Variants in CHD6 observed in about 807,000 individuals in gnomAD.
The protein encoded by CHD6 is ATP-dependent chromatin remodeler CHD6.
In CHD6, 50 loss-of-function variants were observed where a neutral mutation model predicts 276.9. The ratio of observed to expected loss-of-function variants is 0.18; its 90% CI spans 0.14 to 0.23. The LOEUF (loss-of-function observed/expected upper bound fraction) is 0.23, where lower values mean the gene tolerates loss of function less well. Ranked by LOEUF, CHD6 falls within the 10% of genes least tolerant of loss-of-function variation. CHD6 has a pLI of 1.00. For synonymous variants in CHD6, 1,173 were observed against 1,229.3 expected, an observed-to-expected ratio of 0.95 and a Z score of 0.96; for missense variants, 2,564 against 3,365.8, an observed-to-expected ratio of 0.76 and a Z score of 5.89.
At chr20:41,597,351 G>A (rs898035623) in intron 1 of CHD6, among the ~76,000 whole-genome samples, 12 of 152,080 alleles carry the variant, frequency 7.9e-5, no homozygotes, top group African/African-American at 2.7e-4. Flanking sequence ...ATTCCACTAC[G>A]GACCTCCCGA....
intron 1 of CHD6, among the ~76,000 whole-genome samples, chr20:41,590,379 T>A (rs2045644027): frequency 6.6e-6 from 1 of 152,196 alleles, no homozygotes; most frequent in East Asian, 1.9e-4. Context: ...GTAATTAAAC[T>A]AAAGAGCTTC....
chr20:41,423,040 T>G (rs1319411366), intron 30 of CHD6, among the ~76,000 whole-genome samples: 1 of 152,190 alleles, frequency 6.6e-6, no homozygotes, highest in Non-Finnish European at 1.5e-5. Context: ...TTCAAAAGGG[T>G]TCTCTATTGC....
rs58696183 is a variant in CHD6, at chr20:41,419,554, C to CAA, written c.6127+952_6127+953dup. Reference sequence around the variant, plus strand: ...TGGGTGACAGAGCAAGACTCTGTCTCAAAAAAAAAAAAAAAAAAAAAAAAA... The same window carrying CAA: ...TGGGTGACAGAGCAAGACTCTGTCTCAAAAAAAAAAAAAAAAAAAAAAAAAAA... On this transcript the variant is annotated intron_variant, in intron 31 of 36. Coordinates refer to ENST00000373233, the MANE Select transcript of CHD6 (RefSeq NM_032221.5). Among the ~76,000 whole-genome samples, 86 of 23,468 alleles carry CAA rather than the reference C, an allele frequency of 3.7e-3. 25 individuals carry two copies. Among genetic ancestry groups the CAA allele is most frequent in the South Asian group, 5.0e-3 (2 of 398 alleles). The allele number at this position is 23,468 out of a possible 152,430, so 15.4% of individuals were successfully genotyped here. A position where few individuals can be genotyped will look rare whatever the true frequency, so the allele number is the denominator to read the frequency against.
chr20:41,436,808 G>A (rs1052911558), intron 27 of CHD6, among the ~76,000 whole-genome samples: 6 of 152,088 alleles, frequency 3.9e-5, no homozygotes, highest in East Asian at 1.9e-4. Context: ...TTAAAATGAC[G>A]AAATCATAAA....
chr20:41,552,620 G>C (rs1044918013), intron 1 of CHD6, among the ~76,000 whole-genome samples: 2 of 152,170 alleles, frequency 1.3e-5, no homozygotes, highest in African/African-American at 2.4e-5. Flanking sequence ...ACAGAAAAAT[G>C]AAAGACATGA....
chr20:41,440,688 C>T (rs1318906866), intron 25 of CHD6, among the ~76,000 whole-genome samples: 3 of 152,192 alleles, frequency 2.0e-5, no homozygotes, highest in Admixed American at 6.5e-5. Flanking sequence ...AAGTTAACAA[C>T]AGACAGTGTT....
chr20:41,495,750 A>AT (rs2043670601), intron 8 of CHD6, among the ~76,000 whole-genome samples: 2 of 152,324 alleles, frequency 1.3e-5, no homozygotes, highest in Admixed American at 6.5e-5. Flanking sequence ...CTTAAATATA[A>AT]TTTTTTGACA....
chr20:41,615,683 T>C (rs541283556), intron 1 of CHD6, among the ~76,000 whole-genome samples: 11 of 152,370 alleles, frequency 7.2e-5, no homozygotes, highest in Middle Eastern at 3.4e-3. Context: ...GGTAGAATCT[T>C]TGAATCCTTA....
At chr20:41,466,216 A>G (rs2042916685) in intron 17 of CHD6, among the ~76,000 whole-genome samples, 1 of 152,176 alleles carries the variant, frequency 6.6e-6, no homozygotes, top group Non-Finnish European at 1.5e-5. Flanking sequence ...AAACAAAAAC[A>G]AAAACACACA....
intron 1 of CHD6, among the ~76,000 whole-genome samples, chr20:41,553,679 C>T (rs772713886): frequency 8.5e-5 from 13 of 152,236 alleles, no homozygotes; most frequent in Non-Finnish European, 1.5e-4. Flanking sequence ...GGTGTGCTCT[C>T]ACCATTGTTT....
At position 41,423,639 on chromosome 20, in the gene CHD6, C is replaced by T. The variant is rs765265595; in HGVS notation, c.4408G>A (p.Asp1470Asn). The T allele has an allele frequency of 6.2e-6, 10 of 1,614,090 alleles. No homozygotes were observed. Among genetic ancestry groups the T allele is most frequent in the South Asian group, 4.4e-5 (4 of 91,090 alleles). ...RTVSSFGVVY[D>N]QEKKTFDWTQ... ...CAGTCAAAGGTTTTCTTTTCTTGAT[C>T]GTAAACAACACCAAAGGAAGACACT... Residue 1470 changes from aspartate (D) to asparagine (N), a missense_variant, in exon 30 of 37, where the codon GAT becomes AAT. By Grantham distance (23) the Asp-to-Asn change is conservative. Transcript: ENST00000373233.
chr20:41,603,775 G>A (rs889588556), intron 1 of CHD6, among the ~76,000 whole-genome samples: 1 of 152,014 alleles, frequency 6.6e-6, no homozygotes, highest in Non-Finnish European at 1.5e-5. Context: ...GCTGAGGCAG[G>A]AGAATCACTT....
intron 1 of CHD6, among the ~76,000 whole-genome samples, chr20:41,563,592 A>G (rs1229357842): frequency 1.3e-5 from 2 of 152,200 alleles, no homozygotes; most frequent in Non-Finnish European, 2.9e-5. Context: ...TTCCTTGGTC[A>G]GAAAAAAATC....
At chr20:41,551,867 T>C (rs2045152451) in intron 1 of CHD6, among the ~76,000 whole-genome samples, 2 of 152,220 alleles carry the variant, frequency 1.3e-5, no homozygotes, top group Admixed American at 6.5e-5. Flanking sequence ...ATTTAAACCA[T>C]GTACATTTAT....
At position 41,412,270 on chromosome 20, in the gene CHD6, T is replaced by C. The variant is rs367873380; in HGVS notation, c.7132-7A>G. ...TTGGTTTGTCTGAAAAATTCTAGGA[T>C]GAAAACGGAGACCAATATTACAAAA... On this transcript the variant is annotated splice_polypyrimidine_tract_variant and splice_region_variant and intron_variant, in intron 35 of 36. Transcript: ENST00000373233. The C allele has an allele frequency of 1.9e-6, 3 of 1,613,990 alleles. No homozygotes were observed. The South Asian group carries it at 3.3e-5, about 18-fold the overall frequency.
intron 27 of CHD6, among the ~76,000 whole-genome samples, chr20:41,430,334 C>G (rs2047496664): frequency 6.6e-6 from 1 of 152,084 alleles, no homozygotes; most frequent in South Asian, 2.1e-4. Context: ...GAGTTTAACT[C>G]TAATATATAA....
At chr20:41,537,894 C>T (rs1195642272) in intron 2 of CHD6, among the ~76,000 whole-genome samples, 1 of 149,834 alleles carries the variant, frequency 6.7e-6, no homozygotes, top group Non-Finnish European at 1.5e-5. Context: ...CACACATATA[C>T]ACAGAATTGA....
chr20:41,615,981 A>G (rs572723693), intron 1 of CHD6, among the ~76,000 whole-genome samples: 1 of 152,350 alleles, frequency 6.6e-6, no homozygotes, highest in East Asian at 1.9e-4. Context: ...GTTTTCTGCA[A>G]TTTCACAGCA....
At chr20:41,608,718 T>C (rs2045854849) in intron 1 of CHD6, among the ~76,000 whole-genome samples, 2 of 152,212 alleles carry the variant, frequency 1.3e-5, no homozygotes, top group South Asian at 2.1e-4. Flanking sequence ...CTTCTAACTC[T>C]ACTCTTCTGC....
Sources: gnomAD v4.1 joint callset for allele counts (sites outside exome capture counted in the v4.1 genomes callset) on GRCh38, gnomAD v4.1.1 for gene constraint, MANE v1.5 for transcripts, NCBI Gene and HGNC (gene_info 2026-07-23, HGNC 2026-07-21) for gene names.